OR10A2: variants seen among roughly 807,000 people sequenced by gnomAD.
OR10A2 encodes the protein olfactory receptor family 10 subfamily A member 2.
Under a neutral mutation model 13.7 loss-of-function variants are expected in OR10A2, and 15 were observed. The observed-to-expected ratio is 1.10, with a 90% CI of 0.73 to 1.69. OR10A2 has a LOEUF of 1.69. OR10A2 is among the 40% of genes most tolerant of loss of function. OR10A2 has a pLI of 0.00. For missense variants in OR10A2, 343 were observed against 361.1 expected (o/e 0.95, Z 0.41); for synonymous variants, 145 against 144.7 (o/e 1.00, Z -0.02).
Position 6,870,943 on chromosome 11 carries a change from A to ATTTATTTT in OR10A2, c.*280_*281insATTTTTTT. The ATTTATTTT allele has an allele frequency of 6.9e-6, 1 of 143,928 alleles. No homozygotes were observed. 8.9% of individuals were successfully genotyped at this position (143,928 alleles called of 1,614,324 possible). ...GTGGCCAACTATTTCCAGGTGTTAT[A>ATTTATTTT]TTTCTTTTTTTTTTTTTTTTTGAGA... On this transcript the variant is annotated 3_prime_UTR_variant, in exon 2 of 2. Transcript: ENST00000641461.
chr11:6,867,749 T>C (rs1040520172), intron 1 of OR10A2, among the ~76,000 whole-genome samples: 1 of 150,192 alleles, frequency 6.7e-6, no homozygotes, highest in Non-Finnish European at 1.5e-5. Context: ...TTTACTTTAC[T>C]TTTTTTTTCT....
At position 6,870,960 on chromosome 11, in the gene OR10A2, T is replaced by TC. The variant is rs1038694328; in HGVS notation, c.*294_*295insC. On this transcript the variant is annotated 3_prime_UTR_variant, in exon 2 of 2. Transcript: ENST00000641461. ...GGTGTTATATTTCTTTTTTTTTTTT[T>TC]TTTTGAGACGGAGTCTCGCTCTGTC... is the stretch of plus-strand genomic sequence containing the variant. The TC allele has an allele frequency of 1.0e-5, 2 of 198,192 alleles. No individual in the cohort carries two copies. Among genetic ancestry groups the TC allele is most frequent in the Admixed American group, 5.3e-5 (1 of 18,968 alleles). The allele number at this position is 198,192 out of a possible 1,614,324, so 12.3% of individuals were successfully genotyped here.
At chr11:6,867,415 T>C (rs12802940) in intron 1 of OR10A2, among the ~76,000 whole-genome samples, 42,694 of 152,064 alleles carry the variant, frequency 0.28, 6,250 homozygotes, top group East Asian at 0.41. Flanking sequence ...TTTCAGCATG[T>C]TGGCCAGGCT....
Position 6,870,131 on chromosome 11 carries a change from G to C in OR10A2, c.377G>C (p.Arg126Thr). ...PLHYPVIMNQ[R>T]TRAKLAAASW... Reference sequence around the variant, plus strand: ...CACTACCCAGTCATCATGAACCAAAGGACTCGTGCCAAACTGGCTGCTGCC... The same window carrying C: ...CACTACCCAGTCATCATGAACCAAACGACTCGTGCCAAACTGGCTGCTGCC... The change falls in exon 2 of 2, where the codon AGG becomes ACG. Residue 126 changes from arginine (R) to threonine (T), a missense_variant. Physicochemically the swap from Arg to Thr is moderately conservative, Grantham distance 71. Transcript: ENST00000641461. The C allele has an allele frequency of 6.2e-7, 1 of 1,614,202 alleles. No homozygotes were observed. The highest frequency in any genetic ancestry group is 1.3e-5 in the African/African-American group (1 of 75,042).
In OR10A2 at chr11:6,869,710, C is replaced by T. The variant is rs765502855; in HGVS notation, c.-45C>T. On this transcript the variant is annotated 5_prime_UTR_variant, in exon 2 of 2. Transcript: ENST00000641461. ...CCACAGTTGGGGACTTCTGCCCACA[C>T]TTATAGCTACAGGAAACTGGACAAG... 3 of 1,538,186 alleles carry T rather than the reference C, an allele frequency of 2.0e-6. No homozygotes were observed. Among genetic ancestry groups the T allele is most frequent in the East Asian group, 4.5e-5 (2 of 44,454 alleles).
Position 6,870,414 on chromosome 11 carries a change from G to A in OR10A2, c.660G>A (p.Gly220=), listed in dbSNP as rs1018011154. The A allele has an allele frequency of 3.1e-6, 5 of 1,614,086 alleles. No individual in the cohort carries two copies. The highest frequency in any genetic ancestry group is 1.7e-5 in the Admixed American group (1 of 59,998). ...AAILKIPSAK[G]KNKAFSTCSS... ...TCCTCAAGATCCCATCAGCTAAAGG[G>A]AAGAATAAAGCCTTTTCTACATGTT... The change falls in exon 2 of 2, where the codon GGG becomes GGA. Residue 220 remains glycine (G), a synonymous_variant. Coordinates refer to ENST00000641461, the MANE Select transcript of OR10A2 (RefSeq NM_001004460.2).
intron 1 of OR10A2, among the ~76,000 whole-genome samples, chr11:6,865,088 T>G (rs1036328288): frequency 4.3e-5 from 6 of 140,820 alleles, no homozygotes; most frequent in Admixed American, 3.7e-4. Flanking sequence ...TATGATAATA[T>G]ATATGAATAA....
At chr11:6,869,544 T>C (rs1249140095) in intron 1 of OR10A2, 79 bp from the exon 2 acceptor site, 3 of 591,074 alleles carry the variant, frequency 5.1e-6, no homozygotes, top group South Asian at 2.1e-5. Context: ...CTCTGGCTAC[T>C]ATTTATTGTG....
chr11:6,872,485 G>A lies in OR10A2; in HGVS notation c.*1819G>A, dbSNP rs1848443918. 6.6e-6 allele frequency: 1 copy of A among 152,130 alleles called. No homozygotes were observed. Among genetic ancestry groups the A allele is most frequent in the Non-Finnish European group, 1.5e-5 (1 of 68,018 alleles). The allele number at this position is 152,130 out of a possible 1,614,324, so 9.4% of individuals were successfully genotyped here. On this transcript the variant is annotated 3_prime_UTR_variant, in exon 2 of 2. Transcript: ENST00000641461. ...TAAGAATTGTTCAAGTGTTTCTGGT[G>A]TTTTGTTTTGTGTTTGAGACAGGGT...
rs36129790 is a variant in OR10A2, at chr11:6,863,330, C to CAGAT, written c.-153_-150dup. The CAGAT allele has an allele frequency of 0.42, 60,955 of 145,432 alleles. 13,122 individuals carry two copies. Among genetic ancestry groups the CAGAT allele is most frequent in the Middle Eastern group, 0.59 (165 of 282 alleles). 9.0% of individuals were successfully genotyped at this position (145,432 alleles called of 1,614,324 possible). A position where few individuals can be genotyped will look rare whatever the true frequency, so the allele number is the denominator to read the frequency against. ...GGATGTCAGCCAGAGTTGAACAAGG[C>CAGAT]AGATGTTCCTGTTGGACACAGGTAA... On this transcript the variant is annotated 5_prime_UTR_variant, in exon 1 of 2. It adds an upstream start codon to the 5' untranslated region. Transcript: ENST00000641461.
rs892503002 is a variant in OR10A2 at position 6,870,837 on chromosome 11, C to T, written c.*171C>T. ...CAGAGAAGTAGTTTCGACCTAGCACCACCAACTATGAAAACTCCTCTGCCT... is the reference window on the plus strand; with the variant it reads ...CAGAGAAGTAGTTTCGACCTAGCACTACCAACTATGAAAACTCCTCTGCCT... On this transcript the variant is annotated 3_prime_UTR_variant, in exon 2 of 2. Coordinates refer to ENST00000641461, the MANE Select transcript of OR10A2 (RefSeq NM_001004460.2). The T allele has an allele frequency of 5.6e-6, 3 of 534,468 alleles. No homozygotes were observed. The highest frequency in any genetic ancestry group is 3.8e-5 in the African/African-American group (2 of 53,314). The allele number at this position is 534,468 out of a possible 1,614,324, so 33.1% of individuals were successfully genotyped here.
At chr11:6,866,665 T>G (rs1226842707) in intron 1 of OR10A2, among the ~76,000 whole-genome samples, 1 of 152,140 alleles carries the variant, frequency 6.6e-6, no homozygotes, top group Non-Finnish European at 1.5e-5. Context: ...GAATACTTTA[T>G]TTTTTTGTTT....
In OR10A2 at chr11:6,870,110, A is replaced by C; in HGVS notation, c.356A>C (p.Tyr119Ser). 6.2e-7 allele frequency: 1 copy of C among 1,614,190 alleles called. No individual in the cohort carries two copies. The change falls in exon 2 of 2, where the codon TAC (tyrosine) becomes TCC (serine). Residue 119 changes from tyrosine (Y) to serine (S), a missense_variant. Physicochemically the swap from Tyr to Ser is moderately radical, Grantham distance 144. Coordinates refer to ENST00000641461, the MANE Select transcript of OR10A2 (RefSeq NM_001004460.2). ...GTGGCCATCTGCAGTCCCTTGCACT[A>C]CCCAGTCATCATGAACCAAAGGACT... ...RYVAICSPLH[Y>S]PVIMNQRTRA...
intron 1 of OR10A2, among the ~76,000 whole-genome samples, chr11:6,865,382 A>G (rs1452117976): frequency 1.3e-5 from 2 of 151,808 alleles, no homozygotes; most frequent in Non-Finnish European, 2.9e-5. Flanking sequence ...TGATTATTAT[A>G]TGACAGCATT....
At position 6,874,033 on chromosome 11, in the gene OR10A2, G is replaced by C. The variant is rs975862218; in HGVS notation, c.*3367G>C. The C allele has an allele frequency of 2.0e-5, 3 of 152,206 alleles. No homozygotes were observed. The highest frequency in any genetic ancestry group is 4.4e-5 in the Non-Finnish European group (3 of 68,048). The allele number at this position is 152,206 out of a possible 1,614,324, so 9.4% of individuals were successfully genotyped here. A position where few individuals can be genotyped will look rare whatever the true frequency, so the allele number is the denominator to read the frequency against. Reference sequence around the variant, plus strand: ...TGGGGTGGTGCCATTTACTGAAATGGGGTATCTACAAAGAGGAGGTTTGAG... The same window carrying C: ...TGGGGTGGTGCCATTTACTGAAATGCGGTATCTACAAAGAGGAGGTTTGAG... On this transcript the variant is annotated 3_prime_UTR_variant, in exon 2 of 2. Coordinates refer to ENST00000641461, the MANE Select transcript of OR10A2 (RefSeq NM_001004460.2).
rs1278684765 is a variant in OR10A2, at chr11:6,870,389, T to A, written c.635T>A (p.Ile212Asn). The stretch of plus-strand genomic sequence containing the variant: ...TCCTATACTCACATTGCTGCTGCCA[T>A]CCTCAAGATCCCATCAGCTAAAGGG... ...LCSYTHIAAA[I>N]LKIPSAKGKN... is the part of the protein sequence containing the mutation. The change falls in exon 2 of 2, where the codon ATC becomes AAC. Residue 212 changes from isoleucine to asparagine, a missense_variant. Physicochemically the swap from Ile to Asn is moderately radical, Grantham distance 149 (BLOSUM62 -3). Coordinates refer to ENST00000641461, the MANE Select transcript of OR10A2 (RefSeq NM_001004460.2). 3.7e-6 allele frequency: 6 copies of A among 1,614,228 alleles called. No homozygotes were observed. Among genetic ancestry groups the A allele is most frequent in the Non-Finnish European group, 4.2e-6 (5 of 1,180,048 alleles).
At chr11:6,869,339 G>T (rs1028682327) in intron 1 of OR10A2, among the ~76,000 whole-genome samples, 1 of 152,016 alleles carries the variant, frequency 6.6e-6, no homozygotes, top group African/African-American at 2.4e-5. Flanking sequence ...GTTCTTTTAC[G>T]AGATTATAAA....
rs1345208731 is a variant in OR10A2, at chr11:6,871,657, A to C, written c.*991A>C. ...TCAGGTTCTTATGTTTTGTTGAAGTAATATCGTAAATTTCAGTCATAGCTT... is the reference window on the plus strand; with the variant it reads ...TCAGGTTCTTATGTTTTGTTGAAGTCATATCGTAAATTTCAGTCATAGCTT... On this transcript the variant is annotated 3_prime_UTR_variant, in exon 2 of 2. Coordinates refer to ENST00000641461, the MANE Select transcript of OR10A2 (RefSeq NM_001004460.2). The C allele has an allele frequency of 6.6e-6, 1 of 152,192 alleles. No individual in the cohort carries two copies. The highest frequency in any genetic ancestry group is 1.5e-5 in the Non-Finnish European group (1 of 68,030). The allele number at this position is 152,192 out of a possible 1,614,324, so 9.4% of individuals were successfully genotyped here.
At chr11:6,868,093 A>G (rs879797608) in intron 1 of OR10A2, among the ~76,000 whole-genome samples, 1 of 152,150 alleles carries the variant, frequency 6.6e-6, no homozygotes, top group Non-Finnish European at 1.5e-5. Context: ...TCTTTTCATC[A>G]TTGGTTCTTT....
Sources: gnomAD v4.1 joint callset for allele counts (sites outside exome capture counted in the v4.1 genomes callset) on GRCh38, gnomAD v4.1.1 for gene constraint, MANE v1.5 for transcripts, NCBI Gene and HGNC (gene_info 2026-07-23, HGNC 2026-07-21) for gene names.